FAAP20: variants seen among roughly 807,000 people sequenced by gnomAD.
FAAP20 encodes the protein Fanconi anemia core complex-associated protein 20.
In FAAP20, 12 loss-of-function variants were observed where a neutral mutation model predicts 16.2. The ratio of observed to expected loss-of-function variants is 0.74; its 90% CI spans 0.48 to 1.20. FAAP20 has a LOEUF of 1.20. Ranked by LOEUF, FAAP20 falls within the 50% of genes most tolerant of loss-of-function variation. The pLI is 0.00. For synonymous variants in FAAP20, 141 were observed against 110.7 expected (o/e 1.27, Z -1.72); for missense variants, 288 against 245.8 (o/e 1.17, Z -1.15).
chr1:2,186,395 G>T, downstream of FAAP20: 1 of 171,340 alleles, frequency 5.8e-6, no homozygotes, highest in Non-Finnish European at 1.3e-5. Flanking sequence ...CGCTCAGCAC[G>T]ACATGGTGGA....
At position 2,193,924 on chromosome 1, in the gene FAAP20, T is replaced by C. The variant is rs1303750177; in HGVS notation, c.199-14A>G. 6.2e-7 allele frequency: 1 copy of C among 1,611,916 alleles called. No homozygotes were observed. Among genetic ancestry groups the C allele is most frequent in the Admixed American group, 1.7e-5 (1 of 59,740 alleles). On this transcript the variant is annotated splice_polypyrimidine_tract_variant and intron_variant, in intron 2 of 3. Transcript: ENST00000378546. ...GCACCTGGGCTCCTGCAACACAGAG[T>C]TGTTGGGCCTTGCCCAGCGATGGCT... is the stretch of plus-strand genomic sequence containing the variant.
At position 2,193,742 on chromosome 1, in the gene FAAP20, C is replaced by G; in HGVS notation, c.367G>C (p.Ala123Pro). 6.3e-7 allele frequency: 1 copy of G among 1,591,272 alleles called. No homozygotes were observed. Among genetic ancestry groups the G allele is most frequent in the Non-Finnish European group, 8.5e-7 (1 of 1,172,700 alleles). Residue 123 changes from alanine (A) to proline (P), a missense_variant, in exon 3 of 4, where the codon GCA (alanine) becomes CCA (proline). Transcript: ENST00000378546. ...CTGGGGGCCCTGCAGGGATCAGGTG[C>G]CGGGCGCTGGGGCAGGGACCTGGCG... Reference protein sequence around the residue: ...SPARSLPQRPAPDPCRAPRVE... With the variant: ...SPARSLPQRPPPDPCRAPRVE...
chr1:2,190,015 TG>T, intron 3 of FAAP20: 1 of 607,326 alleles, frequency 1.6e-6, no homozygotes, highest in Non-Finnish European at 3.0e-6. Context: ...GCGTCCGAGC[TG>T]GGGGTGGGGA....
downstream of FAAP20, among the ~76,000 whole-genome samples, chr1:2,187,730 A>T (rs1395102303): frequency 6.6e-6 from 1 of 151,540 alleles, no homozygotes; most frequent in Non-Finnish European, 1.5e-5. Context: ...CTCCCCCACC[A>T]CAGGACACGC....
At position 2,194,685 on chromosome 1, in the gene FAAP20, C is replaced by A; in HGVS notation, c.62+3G>T. The stretch of plus-strand genomic sequence containing the variant: ...CGCGCCCCCGCCCGGCTCCCGGCCT[C>A]ACCCGCCCGCCGGGCGCGGCCTCCG... On this transcript the variant is annotated splice_donor_region_variant and intron_variant, in intron 1 of 3. Coordinates refer to ENST00000378546, the MANE Select transcript of FAAP20 (RefSeq NM_182533.4). 8.6e-7 allele frequency: 1 copy of A among 1,159,372 alleles called. No individual in the cohort carries two copies. The highest frequency in any genetic ancestry group is 1.1e-6 in the Non-Finnish European group (1 of 943,564). The allele number at this position is 1,159,372 out of a possible 1,614,324, so 71.8% of individuals were successfully genotyped here. A position where few individuals can be genotyped will look rare whatever the true frequency, so the allele number is the denominator to read the frequency against.
chr1:2,199,712 T>C (rs1481541321), upstream of FAAP20: 3 of 870,384 alleles, frequency 3.4e-6, no homozygotes, highest in Non-Finnish European at 4.1e-6. This position sits in a 1 kb window ranked among gnomAD's most constrained non-coding sequence, Gnocchi z 4.5. Context: ...TGTGCCGATA[T>C]AATCAAACCA....
chr1:2,187,598 C>T (rs976506583), downstream of FAAP20, among the ~76,000 whole-genome samples: 1 of 152,108 alleles, frequency 6.6e-6, no homozygotes, highest in African/African-American at 2.4e-5. Flanking sequence ...GCTACCGCGC[C>T]CGGCCTGAAG....
chr1:2,184,656 C>G (rs1572076588), downstream of FAAP20: 2 of 1,614,030 alleles, frequency 1.2e-6, no homozygotes, highest in East Asian at 4.5e-5. Context: ...AACTTTGACA[C>G]ACAGTTCACC....
upstream of FAAP20, chr1:2,200,492 C>G: frequency 2.9e-6 from 1 of 342,468 alleles, no homozygotes; most frequent in Non-Finnish European, 4.1e-6. Flanking sequence ...CAGGGAATGC[C>G]GGGGGCCCGG....
downstream of FAAP20, among the ~76,000 whole-genome samples, chr1:2,211,259 C>T (rs1321106698): frequency 6.2e-5 from 7 of 112,716 alleles, no homozygotes; most frequent in South Asian, 2.9e-4. Flanking sequence ...GACGGAGTTT[C>T]GCTCTTGTTG....
At chr1:2,209,245 C>A (rs377176314), downstream of FAAP20, among the ~76,000 whole-genome samples, 3 of 152,214 alleles carry the variant, frequency 2.0e-5, no homozygotes, top group African/African-American at 7.2e-5. Flanking sequence ...CTGGCCCCCG[C>A]CCCGAAAGCT....
upstream of FAAP20, chr1:2,201,205 C>T (rs1393008751): frequency 8.2e-7 from 1 of 1,224,410 alleles, no homozygotes; most frequent in African/African-American, 1.6e-5. Flanking sequence ...GTGGCTCCAT[C>T]CAACGCCTCC....
At position 2,194,131 on chromosome 1, in the gene FAAP20, G is replaced by A. The variant is rs1366497035; in HGVS notation, c.65C>T (p.Pro22Leu). Reference sequence around the variant, plus strand: ...GAGAAACCAGGGGCGGCCGCCAGAAGGCCTGGGGCAGACAGAGAGGGCAGA... The same window carrying A: ...GAGAAACCAGGGGCGGCCGCCAGAAAGCCTGGGGCAGACAGAGAGGGCAGA... ...SRRRPRPAGG[P>L]SGGRPWFLLG... Residue 22 changes from proline (P) to leucine (L), a missense_variant and splice_region_variant, in exon 2 of 4, where the codon CCT (proline) becomes CTT (leucine). Transcript: ENST00000378546. The A allele has an allele frequency of 1.2e-6, 2 of 1,612,072 alleles. No individual in the cohort carries two copies. The highest frequency in any genetic ancestry group is 2.7e-5 in the African/African-American group (2 of 74,824).
chr1:2,185,274 G>A, downstream of FAAP20: 1 of 716,608 alleles, frequency 1.4e-6, no homozygotes, highest in Non-Finnish European at 2.6e-6. Flanking sequence ...TGCCGAGGGG[G>A]CTGTCATGCG....
downstream of FAAP20, chr1:2,185,998 A>G (rs1271893471): frequency 2.5e-6 from 1 of 403,728 alleles, no homozygotes; most frequent in Admixed American, 2.8e-5. Flanking sequence ...CTCTCCGTCC[A>G]CCCACCCCTC....
chr1:2,194,725 G>C lies in FAAP20; in HGVS notation c.25C>G (p.Leu9Val), dbSNP rs1162147716. The change falls in exon 1 of 4, where the codon CTG (leucine) becomes GTG (valine). Residue 9 changes from leucine (L) to valine (V), a missense_variant. Physicochemically the swap from Leu to Val is conservative, Grantham distance 32. Coordinates refer to ENST00000378546, the MANE Select transcript of FAAP20 (RefSeq NM_182533.4). ...CGCGGCCTCCGGCGGCTCAACCCCAGCCGCGGCCTCCGCGCCGCCTCCATC... is the reference window on the plus strand; with the variant it reads ...CGCGGCCTCCGGCGGCTCAACCCCACCCGCGGCCTCCGCGCCGCCTCCATC... MEAARRPR[L>V]GLSRRRPRPA... 2.5e-6 allele frequency: 3 copies of C among 1,192,212 alleles called. No homozygotes were observed. Among genetic ancestry groups the C allele is most frequent in the Non-Finnish European group, 3.1e-6 (3 of 964,718 alleles). The allele number at this position is 1,192,212 out of a possible 1,614,324, so 73.9% of individuals were successfully genotyped here. A position where few individuals can be genotyped will look rare whatever the true frequency, so the allele number is the denominator to read the frequency against.
chr1:2,201,331 G>A (rs554847454), upstream of FAAP20: 1 of 895,470 alleles, frequency 1.1e-6, no homozygotes, highest in South Asian at 2.7e-5. Context: ...GGCACAGCCT[G>A]GAAGGACTGG....
intron 3 of FAAP20, chr1:2,190,100 C>G (rs1410571055): frequency 5.4e-6 from 3 of 550,790 alleles, no homozygotes; most frequent in Admixed American, 4.4e-5. Context: ...TCGTGGAGCC[C>G]GGCAGACAGG....
chr1:2,195,343 CA>C (rs1688767229), upstream of FAAP20, among the ~76,000 whole-genome samples: 1 of 152,212 alleles, frequency 6.6e-6, no homozygotes, highest in African/African-American at 2.4e-5. Flanking sequence ...TCTGCGACCT[CA>C]AAGTCGGCCA....
Sources: gnomAD v4.1 joint callset for allele counts (sites outside exome capture counted in the v4.1 genomes callset) on GRCh38, gnomAD v4.1.1 for gene constraint, Gnocchi (gnomAD v3.1) non-coding constraint, MANE v1.5 for transcripts, NCBI Gene and HGNC (gene_info 2026-07-23, HGNC 2026-07-21) for gene names.